FMN2: variants seen among roughly 807,000 people sequenced by gnomAD.
FMN2 encodes formin-2.
In FMN2, 51 loss-of-function variants were observed where a neutral mutation model predicts 142.3. The observed-to-expected ratio is 0.36, with a 90% CI of 0.29 to 0.45. The LOEUF is 0.45. FMN2 is among the 20% of genes least tolerant of loss of function. The pLI, the probability that FMN2 is intolerant of heterozygous loss-of-function variation, is 1.00. For missense variants in FMN2, 1,936 were observed against 2,122.8 expected, an observed-to-expected ratio of 0.91 and a Z score of 1.73; for synonymous variants, 882 against 869.8, an observed-to-expected ratio of 1.01 and a Z score of -0.25.
intron 14 of FMN2, among the ~76,000 whole-genome samples, chr1:240,364,179 A>G (rs1672586551): frequency 6.6e-6 from 1 of 152,138 alleles, no homozygotes; most frequent in Non-Finnish European, 1.5e-5. Flanking sequence ...TGCTTGACTG[A>G]AATACAATAG....
intron 15 of FMN2, among the ~76,000 whole-genome samples, chr1:240,424,726 G>A (rs1039797112): frequency 2.0e-5 from 3 of 152,064 alleles, no homozygotes; most frequent in Non-Finnish European, 2.9e-5. Flanking sequence ...TTATAAATGG[G>A]GAACAAAGCT....
At chr1:240,301,420 T>C (rs1329860727) in intron 8 of FMN2, among the ~76,000 whole-genome samples, 2 of 151,896 alleles carry the variant, frequency 1.3e-5, no homozygotes, top group Non-Finnish European at 1.5e-5. Flanking sequence ...AGTTTTTTTA[T>C]ATTTAGCTAC....
chr1:240,187,297 GA>G (rs1445038838), intron 3 of FMN2, among the ~76,000 whole-genome samples: 1 of 137,900 alleles, frequency 7.3e-6, no homozygotes, highest in Admixed American at 7.2e-5. Context: ...AAAAAGAAAA[GA>G]AAAAAACAAA....
At chr1:240,401,989 G>C (rs1043713512) in intron 15 of FMN2, among the ~76,000 whole-genome samples, 1 of 152,182 alleles carries the variant, frequency 6.6e-6, no homozygotes, top group Admixed American at 6.5e-5. Flanking sequence ...GGAGTACCTT[G>C]TTCTTTGCAA....
intron 8 of FMN2, among the ~76,000 whole-genome samples, chr1:240,299,448 T>C (rs1415362121): frequency 6.6e-6 from 1 of 152,198 alleles, no homozygotes; most frequent in Non-Finnish European, 1.5e-5. Context: ...GAAATCTGGC[T>C]TTCTTAAAAA....
intron 6 of FMN2, among the ~76,000 whole-genome samples, chr1:240,253,774 T>C (rs765097245): frequency 6.6e-6 from 1 of 152,224 alleles, no homozygotes; most frequent in Non-Finnish European, 1.5e-5. Flanking sequence ...CCTGAAGATG[T>C]ATCTGTGGTG....
intron 14 of FMN2, among the ~76,000 whole-genome samples, chr1:240,377,755 G>T (rs1269822289): frequency 6.6e-6 from 1 of 152,002 alleles, no homozygotes. Flanking sequence ...TCATCTTAAG[G>T]TCAGCTGATT....
intron 6 of FMN2, among the ~76,000 whole-genome samples, chr1:240,239,918 A>G (rs1667833151): frequency 6.6e-6 from 1 of 152,242 alleles, no homozygotes; most frequent in African/African-American, 2.4e-5. Context: ...TGTTATAACT[A>G]CAAAGGAAGG....
At chr1:240,171,441 G>T in intron 2 of FMN2, 1 of 447,084 alleles carries the variant, frequency 2.2e-6, no homozygotes, top group Non-Finnish European at 4.1e-6. Flanking sequence ...TCAAGGCAAG[G>T]ATAATTCAGT....
intron 7 of FMN2, among the ~76,000 whole-genome samples, chr1:240,272,167 C>T (rs1669039990): frequency 1.3e-5 from 2 of 152,096 alleles, no homozygotes; most frequent in Admixed American, 6.6e-5. Flanking sequence ...GAAGACAGCC[C>T]ACTGCAGCTC....
chr1:240,277,483 G>A (rs1427963483), intron 7 of FMN2, among the ~76,000 whole-genome samples: 1 of 132,630 alleles, frequency 7.5e-6, no homozygotes, highest in Non-Finnish European at 1.6e-5. Flanking sequence ...TGTGTTTTAT[G>A]AAGATTATGC....
At chr1:240,439,279 A>AAAAAAAGAAAGAAAGAAAG (rs555074808) in intron 16 of FMN2, among the ~76,000 whole-genome samples, 1 of 124,724 alleles carries the variant, frequency 8.0e-6, no homozygotes, top group Non-Finnish European at 1.6e-5. Context: ...TCAAAAAAAA[A>AAAAAAAGAAAGAAAGAAAG]AAAGAAAGAA....
rs115190351 is a variant in FMN2 at position 240,469,589 on chromosome 1, T to C, written c.5061-2783T>C. Among the ~76,000 whole-genome samples the C allele has an allele frequency of 7.0e-3, 1,069 of 152,284 alleles. 20 individuals carry two copies. Among genetic ancestry groups the C allele is most frequent in the African/African-American group, 0.025 (1,039 of 41,554 alleles). On this transcript the variant is annotated intron_variant, in intron 16 of 17. Coordinates refer to ENST00000319653, the MANE Select transcript of FMN2 (RefSeq NM_020066.5). Reference sequence around the variant, plus strand: ...TCTTGACTCTTACTCAACCTTTATATGTTATTCTTTCATGTTCAATCCATT... The same window carrying C: ...TCTTGACTCTTACTCAACCTTTATACGTTATTCTTTCATGTTCAATCCATT...
At chr1:240,432,838 G>A (rs1186632519) in intron 15 of FMN2, among the ~76,000 whole-genome samples, 1 of 151,934 alleles carries the variant, frequency 6.6e-6, no homozygotes, top group Non-Finnish European at 1.5e-5. Flanking sequence ...CTGTGCTCAG[G>A]GAACTTACTC....
intron 1 of FMN2, among the ~76,000 whole-genome samples, chr1:240,118,203 T>G (rs1041623355): frequency 6.6e-6 from 1 of 152,090 alleles, no homozygotes; most frequent in Non-Finnish European, 1.5e-5. Flanking sequence ...TTGGGGCTGT[T>G]GCCTTGGGTT....
chr1:240,095,283 T>A (rs1455028115), intron 1 of FMN2, among the ~76,000 whole-genome samples: 2 of 152,190 alleles, frequency 1.3e-5, no homozygotes, highest in African/African-American at 4.8e-5. Context: ...ATCATTAATA[T>A]TAATGATAGC....
chr1:240,339,557 A>G (rs59622892), intron 13 of FMN2, among the ~76,000 whole-genome samples: 13,443 of 152,082 alleles, frequency 0.088, 732 homozygotes, highest in Non-Finnish European at 0.12. Context: ...TAAAATATAC[A>G]TACAAAATTT....
intron 16 of FMN2, chr1:240,459,094 G>A (rs566293155): frequency 3.9e-5 from 6 of 152,016 alleles, no homozygotes; most frequent in Non-Finnish European, 7.4e-5. Flanking sequence ...ACATTTATGT[G>A]AACAAAAATC....
Position 240,138,096 on chromosome 1 carries a change from A to G in FMN2, c.1782+14751A>G, listed in dbSNP as rs532207872. Among the ~76,000 whole-genome samples the G allele has an allele frequency of 3.3e-5, 5 of 151,716 alleles. No homozygotes were observed. In the East Asian group the frequency reaches 9.7e-4, roughly 30 times the overall value. On this transcript the variant is annotated intron_variant, in intron 2 of 17. Coordinates refer to ENST00000319653, the MANE Select transcript of FMN2 (RefSeq NM_020066.5). ...AAAAAAAAAAAAAAAAGTAAAAAGA[A>G]AAGAGAAATGCTGCCTGGGACCCAG...
Sources: gnomAD v4.1 joint callset for allele counts (sites outside exome capture counted in the v4.1 genomes callset) on GRCh38, gnomAD v4.1.1 for gene constraint, MANE v1.5 for transcripts, NCBI Gene and HGNC (gene_info 2026-07-23, HGNC 2026-07-21) for gene names.